The following WWOX variants were observed in gnomAD, a reference collection of about 807,000 sequenced individuals.
WWOX encodes the protein WW domain-containing oxidoreductase.
Under a neutral mutation model 46.2 loss-of-function variants are expected in WWOX, and 69 were observed. The ratio of observed to expected loss-of-function variants is 1.49; its 90% CI spans 1.23 to 1.82. WWOX has a LOEUF of 1.82. Ranked by LOEUF, WWOX falls within the 40% of genes most tolerant of loss-of-function variation. The pLI is 0.00. For synonymous variants in WWOX, 359 were observed against 202.6 expected (o/e 1.77, Z -6.56); for missense variants, 919 against 542.6 (o/e 1.69, Z -6.89).
intron 8 of WWOX, among the ~76,000 whole-genome samples, chr16:78,851,226 A>G (rs1366063108): frequency 6.6e-6 from 1 of 152,218 alleles, no homozygotes; most frequent in South Asian, 2.1e-4. Context: ...AGACTCTACA[A>G]TAACCAAATT....
chr16:78,459,419 T>C (rs1299296105), intron 8 of WWOX, among the ~76,000 whole-genome samples: 1 of 152,238 alleles, frequency 6.6e-6, no homozygotes, highest in Non-Finnish European at 1.5e-5. Context: ...TCATCTTTCA[T>C]CAAGAGAAGC....
At chr16:78,693,587 G>A (rs866699404) in intron 8 of WWOX, among the ~76,000 whole-genome samples, 32 of 152,098 alleles carry the variant, frequency 2.1e-4, no homozygotes, top group African/African-American at 7.5e-4. Context: ...CCTCCTCTAG[G>A]GCAGTGGAGA....
chr16:78,573,802 C>G (rs1312738256), intron 8 of WWOX, among the ~76,000 whole-genome samples: 1 of 152,246 alleles, frequency 6.6e-6, no homozygotes, highest in East Asian at 1.9e-4. Flanking sequence ...ACTTCACATT[C>G]TCCACTTGTG....
chr16:78,978,713 G>A lies in WWOX; in HGVS notation c.1057-232895G>A, dbSNP rs2046620945. Among the ~76,000 whole-genome samples the A allele has an allele frequency of 2.6e-5, 4 of 152,272 alleles. No homozygotes were observed. In the South Asian group the frequency reaches 8.3e-4, roughly 32 times the overall value. ...AGCAGGAGCAACAGAGAGCGACTGGGGAGGCGCTACACACTTTTCAACCAC... is the reference window on the plus strand; with the variant it reads ...AGCAGGAGCAACAGAGAGCGACTGGAGAGGCGCTACACACTTTTCAACCAC... On this transcript the variant is annotated intron_variant, in intron 8 of 8. Coordinates refer to ENST00000566780, the MANE Select transcript of WWOX (RefSeq NM_016373.4).
intron 8 of WWOX, among the ~76,000 whole-genome samples, chr16:78,907,632 C>T (rs898186873): frequency 3.3e-5 from 5 of 152,318 alleles, no homozygotes; most frequent in Admixed American, 2.0e-4. Flanking sequence ...ATCTCTTTCA[C>T]GGTCATAATT....
intron 8 of WWOX, among the ~76,000 whole-genome samples, chr16:79,113,887 G>A (rs769487921): frequency 6.6e-6 from 1 of 152,234 alleles, no homozygotes; most frequent in Non-Finnish European, 1.5e-5. Context: ...GGGTCTCTCA[G>A]TGTGTGGAAG....
At chr16:78,447,303 T>G (rs991047632) in intron 8 of WWOX, among the ~76,000 whole-genome samples, 6 of 152,220 alleles carry the variant, frequency 3.9e-5, no homozygotes, top group Admixed American at 1.3e-4. Flanking sequence ...CTGTAATAAA[T>G]TTTTTCTTAT....
At chr16:78,576,616 T>G (rs1226276884) in intron 8 of WWOX, among the ~76,000 whole-genome samples, 1 of 152,156 alleles carries the variant, frequency 6.6e-6, no homozygotes, top group African/African-American at 2.4e-5. Context: ...GAGCATCACT[T>G]GAGGCCAGAA....
chr16:78,101,021 T>C (rs1353055666), intron 1 of WWOX, among the ~76,000 whole-genome samples: 1 of 152,030 alleles, frequency 6.6e-6, no homozygotes, highest in African/African-American at 2.4e-5. Flanking sequence ...AGAGCCTTTT[T>C]CTGGGCCCCA....
At chr16:79,139,088 C>G (rs917151186) in intron 8 of WWOX, among the ~76,000 whole-genome samples, 2 of 152,304 alleles carry the variant, frequency 1.3e-5, no homozygotes, top group African/African-American at 4.8e-5. Context: ...TCCGTCTCAT[C>G]CACCAGCTTC....
chr16:78,863,104 G>A (rs753646935), intron 8 of WWOX, among the ~76,000 whole-genome samples: 28 of 151,670 alleles, frequency 1.8e-4, no homozygotes, highest in Admixed American at 5.9e-4. Context: ...GATTACAGGC[G>A]CCACCACCAA....
At chr16:78,962,194 C>G (rs971686061) in intron 8 of WWOX, among the ~76,000 whole-genome samples, 1 of 151,624 alleles carries the variant, frequency 6.6e-6, no homozygotes, top group Non-Finnish European at 1.5e-5. Context: ...GACAGCCACC[C>G]TGTGGATGAC....
chr16:78,285,891 G>C (rs896638311), intron 5 of WWOX, among the ~76,000 whole-genome samples: 6 of 152,084 alleles, frequency 3.9e-5, no homozygotes, highest in African/African-American at 1.4e-4. Context: ...ATAGTATCTT[G>C]TAAAGCCAGC....
chr16:78,401,019 T>A (rs1203664240), intron 6 of WWOX, among the ~76,000 whole-genome samples: 3 of 152,142 alleles, frequency 2.0e-5, no homozygotes, highest in African/African-American at 7.2e-5. Context: ...GAGGTCTCCT[T>A]GTGTTGTCCA....
At chr16:78,458,542 C>G (rs539282131) in intron 8 of WWOX, among the ~76,000 whole-genome samples, 3 of 152,212 alleles carry the variant, frequency 2.0e-5, no homozygotes, top group South Asian at 4.1e-4. Context: ...ATTACAGGTA[C>G]AAGCCACCAT....
intron 8 of WWOX, among the ~76,000 whole-genome samples, chr16:79,120,115 A>C (rs969475976): frequency 6.6e-6 from 1 of 152,030 alleles, no homozygotes; most frequent in East Asian, 1.9e-4. Context: ...GCCGTTAATG[A>C]CCTCCACCTG....
At chr16:78,486,216 T>A (rs1053287312) in intron 8 of WWOX, among the ~76,000 whole-genome samples, 1 of 152,180 alleles carries the variant, frequency 6.6e-6, no homozygotes, top group African/African-American at 2.4e-5. Context: ...ACACCTTGGC[T>A]GATTTCAAGT....
chr16:78,745,784 T>C (rs2049334635), intron 8 of WWOX, among the ~76,000 whole-genome samples: 2 of 151,020 alleles, frequency 1.3e-5, no homozygotes, highest in African/African-American at 4.9e-5. Flanking sequence ...CTTCAAATAG[T>C]TCCAAGACCA....
chr16:78,527,669 C>G (rs963145424), intron 8 of WWOX, among the ~76,000 whole-genome samples: 4 of 152,096 alleles, frequency 2.6e-5, no homozygotes, highest in Non-Finnish European at 2.9e-5. Flanking sequence ...TTACAGCTCA[C>G]TAACCCTGTT....
Sources: allele counts gnomAD v4.1 joint callset (sites outside exome capture counted in the v4.1 genomes callset), GRCh38; gene constraint gnomAD v4.1.1; transcripts MANE v1.5; gene names NCBI Gene and HGNC (gene_info 2026-07-23, HGNC 2026-07-21).